Variants in KMT5B observed in about 807,000 individuals in gnomAD.
The protein encoded by KMT5B is lysine methyltransferase 5B, also known as histone-lysine N-methyltransferase KMT5B.
Under a neutral mutation model 83.2 loss-of-function variants are expected in KMT5B, and 10 were observed. That is an observed-to-expected ratio of 0.12 (90% CI 0.07 to 0.20). The LOEUF (loss-of-function observed/expected upper bound fraction) is 0.20, where lower values mean the gene tolerates loss of function less well. Among genes scored for constraint, KMT5B ranks in the 10% least tolerant of loss-of-function variants. The probability of loss-of-function intolerance (pLI) is 1.00; values close to 1 mark genes in which losing one functional copy is unlikely to be tolerated. For synonymous variants in KMT5B, 349 were observed against 388.8 expected (o/e 0.90, Z 1.20); for missense variants, 753 against 1,067.2 (o/e 0.71, Z 4.10).
At chr11:68,180,851 T>C (rs1247162711) in intron 3 of KMT5B, among the ~76,000 whole-genome samples, 1 of 152,184 alleles carries the variant, frequency 6.6e-6, no homozygotes, top group Non-Finnish European at 1.5e-5. Context: ...TTTTTTCTTG[T>C]TAAAAAGAAA....
At chr11:68,189,811 C>T in intron 2 of KMT5B, 106 bp downstream of exon 2, 2 of 1,198,068 alleles carry the variant, frequency 1.7e-6, no homozygotes, top group Non-Finnish European at 2.3e-6. Context: ...TATGAAAATG[C>T]AAAAAATTAT....
At position 68,212,683 on chromosome 11, in the gene KMT5B, GGGA is replaced by G. The variant is rs909213905; in HGVS notation, c.-77+452_-77+454del. 34 of 152,148 alleles carry G rather than the reference GGGA, an allele frequency of 2.2e-4. No individual in the cohort carries two copies. In the Middle Eastern group the frequency reaches 0.01, roughly 45 times the overall value. 9.4% of individuals were successfully genotyped at this position (152,148 alleles called of 1,614,324 possible). A position where few individuals can be genotyped will look rare whatever the true frequency, so the allele number is the denominator to read the frequency against. ...CGGGCCACGGCCAGGGGCGCCGTCG[GGGA>G]GGAGGGTGGGCTGCAGGACGAGCTC... On this transcript the variant is annotated intron_variant, in intron 1 of 10. Transcript: ENST00000304363.
At chr11:68,197,248 C>T (rs780584125) in intron 1 of KMT5B, among the ~76,000 whole-genome samples, 7 of 152,144 alleles carry the variant, frequency 4.6e-5, no homozygotes, top group Non-Finnish European at 8.8e-5. Context: ...GCTGGAATTA[C>T]AGGCGTGAGC....
chr11:68,158,422 C>G lies in KMT5B; in HGVS notation c.1924G>C (p.Val642Leu). 1.2e-6 allele frequency: 2 copies of G among 1,614,086 alleles called. No homozygotes were observed. Among genetic ancestry groups the G allele is most frequent in the Non-Finnish European group, 1.7e-6 (2 of 1,179,980 alleles). ...VHDSPGKDDA[V>L]PDLMGPHSDQ... ...GAATGGGGACCCATCAAATCTGGTA[C>G]CGCGTCGTCTTTTCCAGGAGAATCG... is the stretch of plus-strand genomic sequence containing the variant. The change falls in exon 11 of 11, where the codon GTA becomes CTA. Residue 642 changes from valine to leucine, a missense_variant. Val to Leu is a conservative substitution (Grantham distance 32). Coordinates refer to ENST00000304363, the MANE Select transcript of KMT5B (RefSeq NM_017635.5).
intron 3 of KMT5B, among the ~76,000 whole-genome samples, chr11:68,181,592 G>C (rs927806941): frequency 1.3e-5 from 2 of 152,174 alleles, no homozygotes; most frequent in African/African-American, 2.4e-5. Context: ...CCCAAAGAGA[G>C]AGAAGTCCAT....
rs942805618 is a variant in KMT5B, at chr11:68,166,208, A to G, written c.1174+774T>C. 106 of 1,299,652 alleles carry G rather than the reference A, an allele frequency of 8.2e-5. No homozygotes were observed. In the African/African-American group the frequency reaches 1.4e-3, roughly 18 times the overall value. 80.5% of individuals were successfully genotyped at this position (1,299,652 alleles called of 1,614,324 possible). A position where few individuals can be genotyped will look rare whatever the true frequency, so the allele number is the denominator to read the frequency against. On this transcript the variant is annotated intron_variant, in intron 10 of 10. Transcript: ENST00000304363. The stretch of plus-strand genomic sequence containing the variant: ...TGGTGTTACCCAGAAAAACAGGAGC[A>G]ATTAGAAATGGTTCCAATATTTCAA...
At chr11:68,179,146 C>T (rs1416299490) in intron 4 of KMT5B, among the ~76,000 whole-genome samples, 1 of 145,324 alleles carries the variant, frequency 6.9e-6, no homozygotes, top group African/African-American at 2.6e-5. Context: ...GCACTGGGCC[C>T]AGCCAGAGAC....
chr11:68,180,874 A>G (rs1047720380), intron 3 of KMT5B, among the ~76,000 whole-genome samples: 3 of 152,234 alleles, frequency 2.0e-5, no homozygotes, highest in Non-Finnish European at 4.4e-5. Flanking sequence ...TTTAGGTTTC[A>G]TAATTGACAA....
At position 68,189,809 on chromosome 11, in the gene KMT5B, T is replaced by C. The variant is rs1030050839; in HGVS notation, c.160+108A>G. On this transcript the variant is annotated intron_variant, in intron 2 of 10. Coordinates refer to ENST00000304363, the MANE Select transcript of KMT5B (RefSeq NM_017635.5). The stretch of plus-strand genomic sequence containing the variant: ...AAGACTATATTGTTAATTATGAAAA[T>C]GCAAAAAATTATTTAAGACAAAAGA... 6.1e-6 allele frequency: 7 copies of C among 1,152,716 alleles called. No individual in the cohort carries two copies. The African/African-American group carries it at 7.9e-5, about 13-fold the overall frequency. The allele number at this position is 1,152,716 out of a possible 1,614,324, so 71.4% of individuals were successfully genotyped here.
In KMT5B at chr11:68,173,889, C is replaced by T. The variant is rs1380454147; in HGVS notation, c.568G>A (p.Ala190Thr). Residue 190 changes from alanine (A) to threonine (T), a missense_variant, in exon 6 of 11, where the codon GCA (alanine) becomes ACA (threonine). Ala to Thr is a moderately conservative substitution (Grantham distance 58). Transcript: ENST00000304363. ...AATATTTCAAATCCACTGTCAGTTG[C>T]AAACATTCGCAAATAAATAAATACC... is the stretch of plus-strand genomic sequence containing the variant. ...EHVFIYLRMF[A>T]TDSGFEILPC... The T allele has an allele frequency of 6.2e-7, 1 of 1,609,008 alleles. No homozygotes were observed.
chr11:68,183,051 G>A (rs1001704360), intron 3 of KMT5B, among the ~76,000 whole-genome samples: 3 of 152,014 alleles, frequency 2.0e-5, no homozygotes, highest in Non-Finnish European at 4.4e-5. Flanking sequence ...TAATTCTGAT[G>A]TAACGCTGTT....
intron 1 of KMT5B, among the ~76,000 whole-genome samples, chr11:68,211,718 G>A (rs1005992602): frequency 2.6e-5 from 4 of 152,216 alleles, no homozygotes; most frequent in Non-Finnish European, 4.4e-5. Context: ...GGACAAGAGT[G>A]TACGGGGTGG....
At chr11:68,175,592 C>T (rs1164254459) in intron 4 of KMT5B, among the ~76,000 whole-genome samples, 2 of 152,188 alleles carry the variant, frequency 1.3e-5, no homozygotes, top group Non-Finnish European at 2.9e-5. Context: ...GAATACAGCA[C>T]ACCTAATTTA....
intron 2 of KMT5B, among the ~76,000 whole-genome samples, chr11:68,187,753 C>A (rs944088918): frequency 6.6e-6 from 1 of 152,170 alleles, no homozygotes; most frequent in Admixed American, 6.5e-5. Flanking sequence ...CAAATTATTG[C>A]TGAATTGTTG....
rs376851966 is a variant in KMT5B at position 68,157,939 on chromosome 11, T to C, written c.2407A>G (p.Ser803Gly). 1.2e-6 allele frequency: 2 copies of C among 1,614,096 alleles called. No homozygotes were observed. The highest frequency in any genetic ancestry group is 1.3e-5 in the African/African-American group (1 of 74,944). Reference protein sequence around the residue: ...EGLHENGVCCSDPLSLLESRM... With the variant: ...EGLHENGVCCGDPLSLLESRM... ...GACTCCAAGAGAGAAAGAGGATCAC[T>C]GCAGCACACCCCATTTTCATGAAGC... The change falls in exon 11 of 11, where the codon AGT (serine) becomes GGT (glycine). Residue 803 changes from serine (S) to glycine (G), a missense_variant. Ser to Gly is a moderately conservative substitution (Grantham distance 56). Around this residue, in one of 9 missense-constraint regions of KMT5B, gnomAD observed 161 missense variants for 195.1 expected, o/e 0.83. Transcript: ENST00000304363.
intron 1 of KMT5B, among the ~76,000 whole-genome samples, chr11:68,207,567 C>T (rs1221613011): frequency 2.0e-5 from 3 of 151,742 alleles, no homozygotes; most frequent in South Asian, 4.2e-4. Flanking sequence ...CCGAGGTGGG[C>T]GGATCACGAG....
At chr11:68,164,256 A>T (rs1010678844) in intron 10 of KMT5B, among the ~76,000 whole-genome samples, 1 of 152,168 alleles carries the variant, frequency 6.6e-6, no homozygotes, top group Non-Finnish European at 1.5e-5. Context: ...TACTCAGAAC[A>T]TTTTTTTATA....
Position 68,171,187 on chromosome 11 carries a change from T to A in KMT5B, c.841-36A>T, listed in dbSNP as rs1241395278. Reference sequence around the variant, plus strand: ...AGTAACTCAGTAAGAAACTCACACCTGAAGCAAAAACAAAATACTTGAAGA... The same window carrying A: ...AGTAACTCAGTAAGAAACTCACACCAGAAGCAAAAACAAAATACTTGAAGA... On this transcript the variant is annotated intron_variant, in intron 8 of 10. Transcript: ENST00000304363. The surrounding 1 kb of genome is among the most constrained non-coding windows in gnomAD (Gnocchi z 5.1). The A allele has an allele frequency of 1.2e-6, 2 of 1,606,124 alleles. No homozygotes were observed. Among genetic ancestry groups the A allele is most frequent in the South Asian group, 2.3e-5 (2 of 88,716 alleles).
chr11:68,210,916 G>T (rs573812830), intron 1 of KMT5B, among the ~76,000 whole-genome samples: 26 of 152,236 alleles, frequency 1.7e-4, no homozygotes, highest in African/African-American at 6.3e-4. Context: ...CTCATACATG[G>T]TACACAGAAA....
Sources: gnomAD v4.1 joint callset for allele counts (sites outside exome capture counted in the v4.1 genomes callset) on GRCh38, gnomAD v4.1.1 for gene constraint, gnomAD v4.1.1 regional missense constraint, Gnocchi (gnomAD v3.1) non-coding constraint, MANE v1.5 for transcripts, NCBI Gene and HGNC (gene_info 2026-07-23, HGNC 2026-07-21) for gene names.